PTPRQ: variants seen among roughly 807,000 people sequenced by gnomAD.
PTPRQ encodes phosphatidylinositol phosphatase PTPRQ.
In PTPRQ, 199 loss-of-function variants were observed where a neutral mutation model predicts 246.0. That is an observed-to-expected ratio of 0.81 (90% CI 0.72 to 0.91). PTPRQ has a LOEUF of 0.91. Ranked by LOEUF, PTPRQ falls within the 40% of genes least tolerant of loss-of-function variation. The pLI, the probability that PTPRQ is intolerant of heterozygous loss-of-function variation, is 0.00. For synonymous variants in PTPRQ, 869 were observed against 853.2 expected (o/e 1.02, Z -0.32); for missense variants, 2,624 against 2,528.4 (o/e 1.04, Z -0.81).
intron 26 of PTPRQ, among the ~76,000 whole-genome samples, chr12:80,602,581 G>C (rs577342414): frequency 1.3e-5 from 2 of 151,890 alleles, no homozygotes; most frequent in East Asian, 3.9e-4. Flanking sequence ...AGAAGAGCAA[G>C]CTATCCAAAT....
chr12:80,455,605 T>C (rs1892952852), intron 3 of PTPRQ, among the ~76,000 whole-genome samples: 1 of 151,836 alleles, frequency 6.6e-6, no homozygotes, highest in African/African-American at 2.4e-5. Context: ...TTTTTTTTTT[T>C]TTTGAGATGG....
intron 35 of PTPRQ, among the ~76,000 whole-genome samples, chr12:80,635,573 TTAAATA>T (rs1338875365): frequency 6.6e-6 from 1 of 151,940 alleles, no homozygotes; most frequent in African/African-American, 2.4e-5. Context: ...TATTTAAAAA[TTAAATA>T]TAAAGTAAAA....
In PTPRQ at chr12:80,495,004, C is replaced by A. The variant is rs1016026685; in HGVS notation, c.1612C>A (p.Pro538Thr). 6.5e-7 allele frequency: 1 copy of A among 1,550,282 alleles called. No individual in the cohort carries two copies. Among genetic ancestry groups the A allele is most frequent in the South Asian group, 1.2e-5 (1 of 84,038 alleles). Residue 538 changes from proline (P) to threonine (T), a missense_variant, in exon 11 of 45, where the codon CCT becomes ACT. Physicochemically the swap from Pro to Thr is conservative, Grantham distance 38. Coordinates refer to ENST00000644991, the MANE Select transcript of PTPRQ (RefSeq NM_001145026.2). ...GTCTTATGTTATCAGGAGACTTGTA[C>A]CTTTCACTGAGCACATGATTAGTGT... ...QLSYVIRRLV[P>T]FTEHMISVSA...
intron 6 of PTPRQ, among the ~76,000 whole-genome samples, chr12:80,467,163 A>T (rs2120520363): frequency 6.6e-6 from 1 of 152,346 alleles, no homozygotes; most frequent in African/African-American, 2.4e-5. Flanking sequence ...ATTTACAAGA[A>T]AAAGCAAAGA....
At chr12:80,653,590 C>CTG (rs1281596754) in intron 38 of PTPRQ, among the ~76,000 whole-genome samples, 1 of 152,064 alleles carries the variant, frequency 6.6e-6, no homozygotes, top group Non-Finnish European at 1.5e-5. Context: ...TAATATACAT[C>CTG]TGTGTGTGTA....
rs149502765 is a variant in PTPRQ, at chr12:80,607,315, G to A, written c.4731+2135G>A. Among the ~76,000 whole-genome samples the A allele has an allele frequency of 2.4e-4, 36 of 150,924 alleles. No homozygotes were observed. The East Asian group carries it at 3.5e-3, about 15-fold the overall frequency. ...GGTCATTAAATAACAAATAAAATTCGCCAACATAAATATAGCCTCACCAAA... is the reference window on the plus strand; with the variant it reads ...GGTCATTAAATAACAAATAAAATTCACCAACATAAATATAGCCTCACCAAA... On this transcript the variant is annotated intron_variant, in intron 27 of 44. Transcript: ENST00000644991.
intron 39 of PTPRQ, among the ~76,000 whole-genome samples, chr12:80,664,746 G>A (rs1343270221): frequency 6.6e-6 from 1 of 151,874 alleles, no homozygotes; most frequent in Non-Finnish European, 1.5e-5. Flanking sequence ...CTATTTTCAA[G>A]GTCATCAATT....
rs1398493860 is a variant in PTPRQ at position 80,493,403 on chromosome 12, A to T, written c.1488A>T (p.Pro496=). 2 of 1,550,192 alleles carry T rather than the reference A, an allele frequency of 1.3e-6. No individual in the cohort carries two copies. The highest frequency in any genetic ancestry group is 1.7e-6 in the Non-Finnish European group (2 of 1,145,948). The change falls in exon 10 of 45, where the codon CCA becomes CCT. Residue 496 remains proline, a synonymous_variant. Transcript: ENST00000644991. The part of the protein sequence containing the change: ...SLATFIYNSH[P]DKNFPARNRA... The stretch of plus-strand genomic sequence containing the variant: ...CTACATTTATATATAACAGCCATCC[A>T]GATAAAAACTTTCCTGCAAGGAATA...
At chr12:80,580,627 T>A (rs1489718037) in intron 25 of PTPRQ, among the ~76,000 whole-genome samples, 1 of 152,216 alleles carries the variant, frequency 6.6e-6, no homozygotes, top group Non-Finnish European at 1.5e-5. Context: ...GTAGCCTTGT[T>A]TAAAAAATTG....
rs571068056 is a variant in PTPRQ at position 80,679,752 on chromosome 12, T to C, written c.*729T>C. 6.6e-6 allele frequency: 1 copy of C among 151,982 alleles called. No homozygotes were observed. Among genetic ancestry groups the C allele is most frequent in the Non-Finnish European group, 1.5e-5 (1 of 67,948 alleles). 9.4% of individuals were successfully genotyped at this position (151,982 alleles called of 1,614,324 possible). ...ACATTTGTAAACTTTAAAACACAAGTTTTACCCCCTGTATTGTATATTCAA... is the reference window on the plus strand; with the variant it reads ...ACATTTGTAAACTTTAAAACACAAGCTTTACCCCCTGTATTGTATATTCAA... On this transcript the variant is annotated 3_prime_UTR_variant, in exon 45 of 45. Transcript: ENST00000644991.
intron 25 of PTPRQ, among the ~76,000 whole-genome samples, chr12:80,582,379 GA>G (rs1297149788): frequency 1.3e-5 from 2 of 152,134 alleles, no homozygotes; most frequent in Admixed American, 6.5e-5. Context: ...GCAATGGAGT[GA>G]ATGTTTATTT....
chr12:80,619,461 A>C lies in PTPRQ; in HGVS notation c.5308A>C (p.Thr1770Pro). ...GKLLVTSTTITIRMPICYYSD... is the reference protein window; with the variant it reads ...GKLLVTSTTIPIRMPICYYSD... ...ACTGCTTGTGACTTCAACAACAATT[A>C]CAATCAGAATGCCAATATGTTACTA... The change falls in exon 31 of 45, where the codon ACA becomes CCA. Residue 1770 changes from threonine to proline, a missense_variant. Transcript: ENST00000644991. 6.5e-7 allele frequency: 1 copy of C among 1,548,404 alleles called. No individual in the cohort carries two copies. Among genetic ancestry groups the C allele is most frequent in the South Asian group, 1.2e-5 (1 of 83,882 alleles).
chr12:80,463,802 C>T (rs1235040229), intron 6 of PTPRQ, among the ~76,000 whole-genome samples: 3 of 151,082 alleles, frequency 2.0e-5, no homozygotes, highest in African/African-American at 4.9e-5. Flanking sequence ...AAATACTTTA[C>T]AGACAAGCAA....
intron 25 of PTPRQ, among the ~76,000 whole-genome samples, chr12:80,552,575 C>A (rs1896506821): frequency 7.1e-6 from 1 of 141,394 alleles, no homozygotes; most frequent in African/African-American, 2.6e-5. Context: ...GATTCATAAT[C>A]CAAATCGCAA....
intron 9 of PTPRQ, among the ~76,000 whole-genome samples, chr12:80,491,343 A>G (rs1555187970): frequency 2.6e-5 from 4 of 151,954 alleles, no homozygotes; most frequent in Non-Finnish European, 5.9e-5. Flanking sequence ...TGGTTTGGGC[A>G]TAAAGTATTG....
intron 38 of PTPRQ, among the ~76,000 whole-genome samples, chr12:80,655,037 A>G (rs1395819759): frequency 6.6e-6 from 1 of 152,168 alleles, no homozygotes; most frequent in Non-Finnish European, 1.5e-5. Context: ...GTGCATTATT[A>G]TCTGGGTTCC....
In PTPRQ at chr12:80,603,842, C is replaced by G. The variant is rs111619082; in HGVS notation, c.4610-1217C>G. On this transcript the variant is annotated intron_variant, in intron 26 of 44. Transcript: ENST00000644991. ...GCCCCATCTGTATCATCACTTTGCT[C>G]TCTCATTGTAGATTATATGTTATTT... 2.0e-3 allele frequency among the ~76,000 whole-genome samples: 298 copies of G among 151,684 alleles called. 3 individuals carry two copies. The highest frequency in any genetic ancestry group is 7.0e-3 in the African/African-American group (291 of 41,466).
At chr12:80,572,055 C>T (rs995218435) in intron 25 of PTPRQ, among the ~76,000 whole-genome samples, 1 of 151,864 alleles carries the variant, frequency 6.6e-6, no homozygotes, top group Non-Finnish European at 1.5e-5. Flanking sequence ...TTAATTTTTA[C>T]AAAAATGCCC....
chr12:80,617,132 A>C (rs1403625605), intron 30 of PTPRQ, among the ~76,000 whole-genome samples: 2 of 151,232 alleles, frequency 1.3e-5, no homozygotes, highest in Non-Finnish European at 3.0e-5. Context: ...GCTGGATTGA[A>C]TCATGGATTA....
Sources: gnomAD v4.1 joint callset for allele counts (sites outside exome capture counted in the v4.1 genomes callset) on GRCh38, gnomAD v4.1.1 for gene constraint, MANE v1.5 for transcripts, NCBI Gene and HGNC (gene_info 2026-07-23, HGNC 2026-07-21) for gene names.